The following INTS11 variants were observed in gnomAD, a reference collection of about 807,000 sequenced individuals.
The protein encoded by INTS11 is integrator complex subunit 11, also known as CPSF3-like protein.
Under a neutral mutation model 78.6 loss-of-function variants are expected in INTS11, and 77 were observed. The ratio of observed to expected loss-of-function variants is 0.98; its 90% CI spans 0.81 to 1.18. The LOEUF is 1.18. INTS11 is among the 50% of genes most tolerant of loss of function. INTS11 has a pLI of 0.00. For synonymous variants in INTS11, 441 were observed against 326.9 expected (o/e 1.35, Z -3.77); for missense variants, 875 against 825.9 (o/e 1.06, Z -0.73).
Position 1,313,770 on chromosome 1 carries a change from C to T in INTS11, c.919G>A (p.Ala307Thr). 3.1e-6 allele frequency: 5 copies of T among 1,613,304 alleles called. No individual in the cohort carries two copies. The highest frequency in any genetic ancestry group is 4.2e-6 in the Non-Finnish European group (5 of 1,179,990). Residue 307 changes from alanine to threonine, a missense_variant, in exon 9 of 17, where the codon GCC becomes ACC. Physicochemically the swap from Ala to Thr is moderately conservative, Grantham distance 58 (BLOSUM62 0). Transcript: ENST00000435064. The stretch of plus-strand genomic sequence containing the variant: ...TTGTCAGCAAAAGCCCGGTCGAAGG[C>T]CTTGATGTGCTTGAACTCAAACATG... ...RNMFEFKHIKAFDRAFADNPG... is the reference protein window; with the variant it reads ...RNMFEFKHIKTFDRAFADNPG...
rs1379684458 is a variant in INTS11 at position 1,312,637 on chromosome 1, G to A, written c.1358C>T (p.Pro453Leu). The A allele has an allele frequency of 6.3e-7, 1 of 1,590,958 alleles. No individual in the cohort carries two copies. The highest frequency in any genetic ancestry group is 8.6e-7 in the Non-Finnish European group (1 of 1,164,910). Residue 453 changes from proline (P) to leucine (L), a missense_variant, in exon 13 of 17, where the codon CCC (proline) becomes CTC (leucine). Coordinates refer to ENST00000435064, the MANE Select transcript of INTS11 (RefSeq NM_017871.6). Reference protein sequence around the residue: ...TVTLPTSPSIPVGISLGLLKR... With the variant: ...TVTLPTSPSILVGISLGLLKR... Reference sequence around the variant, plus strand: ...CAGCAGCCCCAGCGAGATGCCTACGGGGATGCTGGGGCTTGTGGGCAGCGT... The same window carrying A: ...CAGCAGCCCCAGCGAGATGCCTACGAGGATGCTGGGGCTTGTGGGCAGCGT...
At chr1:1,320,822 A>C in intron 2 of INTS11, 174 bp downstream of exon 2, 1 of 748,032 alleles carries the variant, frequency 1.3e-6, no homozygotes, top group Non-Finnish European at 2.4e-6. Flanking sequence ...GGGGGACCCC[A>C]CCATGCAGGG....
intron 9 of INTS11, 30 bp from the exon 10 acceptor site, chr1:1,313,622 T>C (rs1215066477): frequency 6.2e-7 from 1 of 1,611,788 alleles, no homozygotes; most frequent in Admixed American, 1.7e-5. Context: ...AGGTGGGGGG[T>C]CAGGGCAGCA....
In INTS11 at chr1:1,315,876, C is replaced by CTG. The variant is rs1264540793; in HGVS notation, c.430-259_430-258insCA. Among the ~76,000 whole-genome samples the CTG allele has an allele frequency of 2.0e-5, 3 of 151,046 alleles. No homozygotes were observed. The East Asian group carries it at 5.8e-4, about 29-fold the overall frequency. On this transcript the variant is annotated intron_variant, in intron 4 of 16. Coordinates refer to ENST00000435064, the MANE Select transcript of INTS11 (RefSeq NM_017871.6). ...CGGGGAGCGAGGGCACTGCACTGAG[C>CTG]TTTTCAGTCCCTGTTGCTCACACAC...
chr1:1,312,781 G>C lies in INTS11; in HGVS notation c.1294+6C>G. On this transcript the variant is annotated splice_donor_region_variant and intron_variant, in intron 12 of 16. Coordinates refer to ENST00000435064, the MANE Select transcript of INTS11 (RefSeq NM_017871.6). ...TGGGCCCCACGCCGCCCGCCCGGCT[G>C]CCTACGGAGCTCCTGCTCGATCTTC... 6.2e-7 allele frequency: 1 copy of C among 1,605,160 alleles called. No individual in the cohort carries two copies. Among genetic ancestry groups the C allele is most frequent in the Non-Finnish European group, 8.5e-7 (1 of 1,174,740 alleles).
At chr1:1,318,717 G>A (rs534877406) in intron 4 of INTS11, 34 of 467,356 alleles carry the variant, frequency 7.3e-5, no homozygotes, top group Non-Finnish European at 1.1e-4. Flanking sequence ...AGTTCAATCA[G>A]AAAATTAAAT....
Position 1,314,165 on chromosome 1 carries a change from G to C in INTS11, c.767+136C>G. ...GTCACAGGCTTCCTGGGGTCACACA[G>C]CACACGAGCGGCCCCCCAGGACAGC... On this transcript the variant is annotated intron_variant, in intron 8 of 16. Transcript: ENST00000435064. The surrounding 1 kb of genome is among the most constrained non-coding windows in gnomAD (Gnocchi z 4.2). 1 of 892,152 alleles carries C rather than the reference G, an allele frequency of 1.1e-6. No homozygotes were observed. The highest frequency in any genetic ancestry group is 1.8e-6 in the Non-Finnish European group (1 of 553,406). 55.3% of individuals were successfully genotyped at this position (892,152 alleles called of 1,614,324 possible). A position where few individuals can be genotyped will look rare whatever the true frequency, so the allele number is the denominator to read the frequency against.
Position 1,314,144 on chromosome 1 carries a change from C to A in INTS11, c.767+157G>T. ...ACACGGTGGCGCTGACGGGATGTCA[C>A]AGGCTTCCTGGGGTCACACAGCACA... On this transcript the variant is annotated intron_variant, in intron 8 of 16. Coordinates refer to ENST00000435064, the MANE Select transcript of INTS11 (RefSeq NM_017871.6). This position sits in a 1 kb window ranked among gnomAD's most constrained non-coding sequence, Gnocchi z 4.2. 1 of 820,368 alleles carries A rather than the reference C, an allele frequency of 1.2e-6. No individual in the cohort carries two copies. The highest frequency in any genetic ancestry group is 2.7e-5 in the East Asian group (1 of 37,350). 50.8% of individuals were successfully genotyped at this position (820,368 alleles called of 1,614,324 possible).
chr1:1,314,136 G>A lies in INTS11; in HGVS notation c.767+165C>T, dbSNP rs1642426393. On this transcript the variant is annotated intron_variant, in intron 8 of 16. Coordinates refer to ENST00000435064, the MANE Select transcript of INTS11 (RefSeq NM_017871.6). The surrounding 1 kb of genome is among the most constrained non-coding windows in gnomAD (Gnocchi z 4.2). ...AGAGCCGCACACGGTGGCGCTGACG[G>A]GATGTCACAGGCTTCCTGGGGTCAC... is the stretch of plus-strand genomic sequence containing the variant. 2 of 790,614 alleles carry A rather than the reference G, an allele frequency of 2.5e-6. No individual in the cohort carries two copies. The highest frequency in any genetic ancestry group is 4.2e-6 in the Non-Finnish European group (2 of 474,264). The allele number at this position is 790,614 out of a possible 1,614,324, so 49.0% of individuals were successfully genotyped here. A position where few individuals can be genotyped will look rare whatever the true frequency, so the allele number is the denominator to read the frequency against.
In INTS11 at chr1:1,312,389, A is replaced by G. The variant is rs763241286; in HGVS notation, c.1465-21T>C. On this transcript the variant is annotated intron_variant, in intron 14 of 16. Transcript: ENST00000435064. ...AAGTTCTGTGGGGCAGGGACAGGTC[A>G]GTGAGCGCAGCAGCGGCCCTCCCCC... is the stretch of plus-strand genomic sequence containing the variant. 3.2e-6 allele frequency: 5 copies of G among 1,566,598 alleles called. No homozygotes were observed. The South Asian group carries it at 5.8e-5, about 18-fold the overall frequency.
At chr1:1,324,453 G>C in intron 1 of INTS11, 128 bp downstream of exon 1, 1 of 933,700 alleles carries the variant, frequency 1.1e-6, no homozygotes, top group Non-Finnish European at 1.6e-6. Flanking sequence ...GCCCGCGCGG[G>C]GAGGAGACCG....
chr1:1,319,997 T>G, intron 3 of INTS11: 1 of 190,566 alleles, frequency 5.2e-6, no homozygotes, highest in Non-Finnish European at 1.1e-5. Context: ...AGAAGGGGCT[T>G]CTCCAGGCTT....
At chr1:1,323,189 G>A (rs980410822) in intron 1 of INTS11, 9 of 1,550,138 alleles carry the variant, frequency 5.8e-6, no homozygotes, top group Non-Finnish European at 7.8e-6. Context: ...ACGCCATGGG[G>A]GAGGACATGG....
chr1:1,321,273 C>A (rs1012642413), intron 1 of INTS11, among the ~76,000 whole-genome samples, 180 bp from the exon 2 acceptor site: 1 of 152,194 alleles, frequency 6.6e-6, no homozygotes, highest in Non-Finnish European at 1.5e-5. Flanking sequence ...GGGGACCATG[C>A]CCCACACCAT....
In INTS11 at chr1:1,312,213, G is replaced by GGGGCCGCCCCCCCCCCCCCC; in HGVS notation, c.1607+12_1607+13insGGGGGGGGGGGGGGCGGCCC. ...CCCAAGGGAGTGGGGGGGGGGCGGG[G>GGGGCCGCCCCCCCCCCCCCC]CCGGGCGCCCACCTCTTGAGGTGGC... On this transcript the variant is annotated intron_variant, in intron 15 of 16. Coordinates refer to ENST00000435064, the MANE Select transcript of INTS11 (RefSeq NM_017871.6). 1.1e-6 allele frequency: 1 copy of GGGGCCGCCCCCCCCCCCCCC among 934,626 alleles called. No homozygotes were observed. The highest frequency in any genetic ancestry group is 2.9e-5 in the East Asian group (1 of 34,242). The allele number at this position is 934,626 out of a possible 1,614,324, so 57.9% of individuals were successfully genotyped here.
At position 1,312,250 on chromosome 1, in the gene INTS11, A is replaced by G. The variant is rs371579977; in HGVS notation, c.1583T>C (p.Leu528Ser). Reference protein sequence around the residue: ...HDTRKEQETALRVYSHLKSVL... With the variant: ...HDTRKEQETASRVYSHLKSVL... The stretch of plus-strand genomic sequence containing the variant: ...CCTCTTGAGGTGGCTGTAGACGCGC[A>G]ATGCCGTCTCCTGCTCCTTGCGTGT... The change falls in exon 15 of 17, where the codon TTG (leucine) becomes TCG (serine). Residue 528 changes from leucine (L) to serine (S), a missense_variant. Coordinates refer to ENST00000435064, the MANE Select transcript of INTS11 (RefSeq NM_017871.6). 8.4e-5 allele frequency: 130 copies of G among 1,541,402 alleles called. No homozygotes were observed. The African/African-American group carries it at 1.7e-3, about 20-fold the overall frequency.
At position 1,314,601 on chromosome 1, in the gene INTS11, G is replaced by T; in HGVS notation, c.702+223C>A. 1 of 652,866 alleles carries T rather than the reference G, an allele frequency of 1.5e-6. No individual in the cohort carries two copies. The highest frequency in any genetic ancestry group is 2.6e-6 in the Non-Finnish European group (1 of 385,946). The allele number at this position is 652,866 out of a possible 1,614,324, so 40.4% of individuals were successfully genotyped here. A position where few individuals can be genotyped will look rare whatever the true frequency, so the allele number is the denominator to read the frequency against. On this transcript the variant is annotated intron_variant, in intron 7 of 16. Transcript: ENST00000435064. The surrounding 1 kb of genome is among the most constrained non-coding windows in gnomAD (Gnocchi z 4.2). ...CTGCATGAGAGACAGAAGGAGCCTGGCCAGGGCTTCGTCCGCACCTGAGGT... is the reference window on the plus strand; with the variant it reads ...CTGCATGAGAGACAGAAGGAGCCTGTCCAGGGCTTCGTCCGCACCTGAGGT...
In INTS11 at chr1:1,313,846, C is replaced by G. The variant is rs1642404858; in HGVS notation, c.843G>C (p.Leu281=). 2 of 1,613,332 alleles carry G rather than the reference C, an allele frequency of 1.2e-6. No individual in the cohort carries two copies. The highest frequency in any genetic ancestry group is 1.3e-5 in the African/African-American group (1 of 74,924). Residue 281 remains leucine (L), a synonymous_variant, in exon 9 of 17, where the codon CTG becomes CTC. Transcript: ENST00000435064. ...TCTTCTGGTTGGTCCAGGGGATGAA[C>G]AGCTTGTAGTAGTGGTTGGCCTTCT... ...LTEKANHYYK[L]FIPWTNQKIR... is the part of the protein sequence containing the mutation.
At chr1:1,319,905 C>CTATGTGCAG in intron 3 of INTS11, 1 of 245,098 alleles carries the variant, frequency 4.1e-6, no homozygotes, top group Non-Finnish European at 7.9e-6. Context: ...CCCAGGAAGG[C>CTATGTGCAG]ACTGGGGACC....
Sources: gnomAD v4.1 joint callset for allele counts (sites outside exome capture counted in the v4.1 genomes callset) on GRCh38, gnomAD v4.1.1 for gene constraint, Gnocchi (gnomAD v3.1) non-coding constraint, MANE v1.5 for transcripts, NCBI Gene and HGNC (gene_info 2026-07-23, HGNC 2026-07-21) for gene names.